CLK1: variants seen among roughly 807,000 people sequenced by gnomAD.
CLK1 encodes the protein CDC like kinase 1.
In CLK1, 40 loss-of-function variants were observed where a neutral mutation model predicts 60.9. That is an observed-to-expected ratio of 0.66 (90% CI 0.51 to 0.86). The LOEUF is 0.86. Among genes scored for constraint, CLK1 ranks in the 40% least tolerant of loss-of-function variants. The pLI, the probability that CLK1 is intolerant of heterozygous loss-of-function variation, is 0.00. For synonymous variants in CLK1, 203 were observed against 184.4 expected (o/e 1.10, Z -0.82); for missense variants, 563 against 606.1 (o/e 0.93, Z 0.75).
chr2:200,853,257 A>T lies in CLK1; in HGVS notation c.*49T>A. 7.2e-7 allele frequency: 1 copy of T among 1,380,070 alleles called. No homozygotes were observed. The highest frequency in any genetic ancestry group is 9.8e-7 in the Non-Finnish European group (1 of 1,019,364). 85.5% of individuals were successfully genotyped at this position (1,380,070 alleles called of 1,614,324 possible). ...AAATAACTTAAAATTTAAAAATTAG[A>T]CTGATACAGTCTGTAAGATCTCTTC... On this transcript the variant is annotated 3_prime_UTR_variant, in exon 13 of 13. Coordinates refer to ENST00000321356, the MANE Select transcript of CLK1 (RefSeq NM_004071.4).
At chr2:200,861,663 T>G in intron 2 of CLK1, 39 bp downstream of exon 2, 1 of 1,603,900 alleles carries the variant, frequency 6.2e-7, no homozygotes, top group South Asian at 1.1e-5. Flanking sequence ...TGTCTAGTAA[T>G]GTATTGTTAT....
chr2:200,853,535 T>C (rs1024653596), intron 12 of CLK1, 86 bp from the exon 13 acceptor site: 12 of 1,222,658 alleles, frequency 9.8e-6, no homozygotes, highest in Admixed American at 2.5e-5. Flanking sequence ...CATATATATA[T>C]AACCACCATA....
chr2:200,855,988 G>A (rs868650869), intron 9 of CLK1, among the ~76,000 whole-genome samples: 6 of 151,664 alleles, frequency 4.0e-5, no homozygotes, highest in Non-Finnish European at 7.4e-5. Flanking sequence ...CAGCCTGGGC[G>A]ACAGAGTAAG....
At chr2:200,856,567 C>A in intron 9 of CLK1, 115 bp downstream of exon 9, 1 of 794,702 alleles carries the variant, frequency 1.3e-6, no homozygotes. Context: ...CTTCATGATA[C>A]TTATCCCTTA....
intron 12 of CLK1, 118 bp downstream of exon 12, chr2:200,853,785 A>G: frequency 1.5e-6 from 1 of 654,112 alleles, no homozygotes; most frequent in Non-Finnish European, 2.5e-6. Context: ...GGTTGCAGTG[A>G]GCTGGGCCAA....
chr2:200,864,355 C>T, intron 1 of CLK1: 3 of 1,244,282 alleles, frequency 2.4e-6, no homozygotes, highest in Non-Finnish European at 3.2e-6. Context: ...CCGTAACTAC[C>T]CCCGCAGGCC....
At chr2:200,857,077 C>T (rs775984601) in intron 7 of CLK1, 92 bp from the exon 8 acceptor site, 7 of 904,256 alleles carry the variant, frequency 7.7e-6, no homozygotes, top group Non-Finnish European at 1.2e-5. Context: ...GTGGCTCACG[C>T]CTGTAATCAC....
At chr2:200,861,630 C>A in intron 2 of CLK1, 72 bp downstream of exon 2, 1 of 1,577,740 alleles carries the variant, frequency 6.3e-7, no homozygotes, top group Non-Finnish European at 8.6e-7. Flanking sequence ...TAATCAGGTA[C>A]TTATTTTAAG....
intron 3 of CLK1, chr2:200,860,516 G>A: frequency 4.6e-6 from 5 of 1,094,096 alleles, no homozygotes; most frequent in Non-Finnish European, 5.6e-6. Context: ...ATGCTTAGTT[G>A]TAGCATTCAC....
chr2:200,860,660 A>G, intron 3 of CLK1: 1 of 997,034 alleles, frequency 1.0e-6, no homozygotes, highest in Non-Finnish European at 1.2e-6. Context: ...ATATTATAAC[A>G]GTAAATAAAA....
Position 200,854,605 on chromosome 2 carries a change from T to C in CLK1, c.1220+11A>G. The C allele has an allele frequency of 6.5e-7, 1 of 1,549,022 alleles. No individual in the cohort carries two copies. The highest frequency in any genetic ancestry group is 1.4e-5 in the African/African-American group (1 of 73,680). On this transcript the variant is annotated intron_variant, in intron 11 of 12. Transcript: ENST00000321356. ...ATGATACTAAGGATGTCACTAACTC[T>C]TAAAACGTACCTGGTTTTCTGTATC...
chr2:200,859,823 A>T lies in CLK1; in HGVS notation c.482-77T>A, dbSNP rs569888698. The T allele has an allele frequency of 6.3e-6, 10 of 1,578,258 alleles. No homozygotes were observed. The South Asian group carries it at 9.3e-5, about 15-fold the overall frequency. On this transcript the variant is annotated intron_variant, in intron 4 of 12. Transcript: ENST00000321356. ...TTATCACAATAAATGCTATCAATGT[A>T]GATTATTCTAGTTGATGCTACAAAT...
chr2:200,861,410 A>G lies in CLK1; in HGVS notation c.218T>C (p.Ile73Thr), dbSNP rs2039135526. 2 of 1,614,154 alleles carry G rather than the reference A, an allele frequency of 1.2e-6. No homozygotes were observed. The highest frequency in any genetic ancestry group is 1.7e-6 in the Non-Finnish European group (2 of 1,180,030). ...NEKDYHSRRY[I>T]DEYRNDYTQG... ...AGTGTAGTCATTTCTGTACTCATCA[A>G]TGTAGCGTCGACTATGATAATCTTT... The change falls in exon 3 of 13, where the codon ATT becomes ACT. Residue 73 changes from isoleucine (I) to threonine (T), a missense_variant. By Grantham distance (89) the Ile-to-Thr change is moderately conservative. Transcript: ENST00000321356.
At chr2:200,863,364 G>A (rs910597153) in intron 1 of CLK1, 2 of 152,154 alleles carry the variant, frequency 1.3e-5, no homozygotes, top group Non-Finnish European at 2.9e-5. Flanking sequence ...TTCGAGACCA[G>A]CCAGGGTAAT....
chr2:200,853,504 C>T, intron 12 of CLK1, 55 bp from the exon 13 acceptor site: 1 of 1,484,226 alleles, frequency 6.7e-7, no homozygotes, highest in South Asian at 1.2e-5. Flanking sequence ...ATTGACTACA[C>T]TATGTAACAG....
chr2:200,855,355 C>A (rs1047437917), intron 9 of CLK1, among the ~76,000 whole-genome samples: 2 of 151,514 alleles, frequency 1.3e-5, no homozygotes, highest in Non-Finnish European at 1.5e-5. Context: ...CAGTGGCTCA[C>A]GCTACAGGCA....
At chr2:200,859,203 C>G (rs1262014040) in intron 5 of CLK1, among the ~76,000 whole-genome samples, 1 of 152,016 alleles carries the variant, frequency 6.6e-6, no homozygotes, top group Non-Finnish European at 1.5e-5. Context: ...AAATTTCAAT[C>G]AGTAGTTTGA....
intron 12 of CLK1, 116 bp downstream of exon 12, chr2:200,853,787 C>G: frequency 1.5e-6 from 1 of 670,716 alleles, no homozygotes. Context: ...TTGCAGTGAG[C>G]TGGGCCAACA....
chr2:200,857,981 G>C lies in CLK1; in HGVS notation c.657C>G (p.Asn219Lys). The C allele has an allele frequency of 6.2e-7, 1 of 1,613,010 alleles. No homozygotes were observed. Among genetic ancestry groups the C allele is most frequent in the Non-Finnish European group, 8.5e-7 (1 of 1,179,042 alleles). Reference sequence around the variant, plus strand: ...TCTAATCTGATACTTACAAAGTACTGTTGGGGTCTGTTGTATTCAGATGTT... The same window carrying C: ...TCTAATCTGATACTTACAAAGTACTCTTGGGGTCTGTTGTATTCAGATGTT... ...VLEHLNTTDP[N>K]STFRCVQMLE... The change falls in exon 6 of 13, where the codon AAC becomes AAG. Residue 219 changes from asparagine to lysine, a missense_variant. By Grantham distance (94) the Asn-to-Lys change is moderately conservative (BLOSUM62 0). Coordinates refer to ENST00000321356, the MANE Select transcript of CLK1 (RefSeq NM_004071.4).
Sources: gnomAD v4.1 joint callset for allele counts (sites outside exome capture counted in the v4.1 genomes callset) on GRCh38, gnomAD v4.1.1 for gene constraint, MANE v1.5 for transcripts, NCBI Gene and HGNC (gene_info 2026-07-23, HGNC 2026-07-21) for gene names.